FAM78A: variants seen among roughly 807,000 people sequenced by gnomAD.
FAM78A encodes protein FAM78A.
In FAM78A, 12 loss-of-function variants were observed where a neutral mutation model predicts 22.6. That is an observed-to-expected ratio of 0.53 (90% confidence interval 0.34 to 0.86). The LOEUF (loss-of-function observed/expected upper bound fraction) is 0.86. Ranked by LOEUF, FAM78A falls within the 40% of genes least tolerant of loss-of-function variation. The probability of loss-of-function intolerance (pLI) is 0.02; values close to 1 mark genes in which losing one functional copy is unlikely to be tolerated. For synonymous variants in FAM78A, 151 were observed against 155.8 expected (o/e 0.97, Z 0.23); for missense variants, 322 against 396.1 (o/e 0.81, Z 1.59).
At chr9:131,263,149 G>T (rs945272089) in intron 1 of FAM78A, among the ~76,000 whole-genome samples, 1 of 149,892 alleles carries the variant, frequency 6.7e-6, no homozygotes, top group African/African-American at 2.5e-5. Flanking sequence ...TGAGGCAGGA[G>T]AATCGCTTGA....
intron 1 of FAM78A, chr9:131,270,593 G>T (rs564458718): frequency 7.1e-6 from 5 of 707,080 alleles, no homozygotes; most frequent in African/African-American, 7.0e-5. Context: ...CCAAAGCCTT[G>T]AAACAAGGAC....
At chr9:131,268,736 C>T (rs972811447) in intron 1 of FAM78A, among the ~76,000 whole-genome samples, 31 of 151,570 alleles carry the variant, frequency 2.0e-4, no homozygotes, top group Non-Finnish European at 4.0e-4. Context: ...ACTAAAAATA[C>T]AAAAAAATTA....
Position 131,261,388 on chromosome 9 carries a change from T to G in FAM78A, c.324-38A>C. 6.6e-7 allele frequency: 1 copy of G among 1,511,734 alleles called. No individual in the cohort carries two copies. Among genetic ancestry groups the G allele is most frequent in the Non-Finnish European group, 8.8e-7 (1 of 1,137,842 alleles). 93.6% of individuals were successfully genotyped at this position (1,511,734 alleles called of 1,614,324 possible). A position where few individuals can be genotyped will look rare whatever the true frequency, so the allele number is the denominator to read the frequency against. On this transcript the variant is annotated intron_variant, in intron 1 of 1. Coordinates refer to ENST00000372271, the MANE Select transcript of FAM78A (RefSeq NM_033387.4). This position sits in a 1 kb window ranked among gnomAD's most constrained non-coding sequence, Gnocchi z 7.1. ...AAGGCCAGTTCACTCACTCGGTCAC[T>G]CAAGGAGGGCTTTCTGTGTCCCCCT...
At chr9:131,279,583 C>G (rs1835522370), upstream of FAM78A, among the ~76,000 whole-genome samples, 1 of 152,196 alleles carries the variant, frequency 6.6e-6, no homozygotes, top group Admixed American at 6.5e-5. Context: ...GCACGTCCCT[C>G]TCGTGGAAAG....
chr9:131,279,698 G>A (rs1361435318), upstream of FAM78A, among the ~76,000 whole-genome samples: 3 of 152,168 alleles, frequency 2.0e-5, no homozygotes, highest in Admixed American at 6.5e-5. Context: ...ACAGTGCCCC[G>A]CCCCCTCCGT....
In FAM78A at chr9:131,261,266, G is replaced by A; in HGVS notation, c.408C>T (p.Gly136=). ...DSDGVNYPWY[G]NTTETCTIVG... ...CGATGGTGCAGGTCTCTGTGGTGTT[G>A]CCGTACCAGGGGTAGTTCACCCCAT... is the stretch of plus-strand genomic sequence containing the variant. The change falls in exon 2 of 2, where the codon GGC becomes GGT. Residue 136 remains glycine, a synonymous_variant. Coordinates refer to ENST00000372271, the MANE Select transcript of FAM78A (RefSeq NM_033387.4). The surrounding 1 kb of genome is among the most constrained non-coding windows in gnomAD (Gnocchi z 7.1). The A allele has an allele frequency of 6.2e-7, 1 of 1,610,410 alleles. No individual in the cohort carries two copies. Among genetic ancestry groups the A allele is most frequent in the South Asian group, 1.1e-5 (1 of 91,012 alleles).
Position 131,259,748 on chromosome 9 carries a change from TA to T in FAM78A, c.*1073del, listed in dbSNP as rs1835236787. The T allele has an allele frequency of 6.6e-6, 1 of 152,596 alleles. No individual in the cohort carries two copies. Among genetic ancestry groups the T allele is most frequent in the South Asian group, 2.1e-4 (1 of 4,830 alleles). 9.5% of individuals were successfully genotyped at this position (152,596 alleles called of 1,614,324 possible). A position where few individuals can be genotyped will look rare whatever the true frequency, so the allele number is the denominator to read the frequency against. The stretch of plus-strand genomic sequence containing the variant: ...TGAATGCCTTCCTTACCTTTGAGAC[TA>T]ACATTGAGGCTGTGTGTCGGCGGTC... On this transcript the variant is annotated 3_prime_UTR_variant, in exon 2 of 2. Coordinates refer to ENST00000372271, the MANE Select transcript of FAM78A (RefSeq NM_033387.4).
chr9:131,268,797 G>T (rs938168540), intron 1 of FAM78A, among the ~76,000 whole-genome samples: 2 of 152,048 alleles, frequency 1.3e-5, no homozygotes, highest in Non-Finnish European at 2.9e-5. Flanking sequence ...GGAGGCTGAG[G>T]CAGGAGAATC....
rs1365445018 is a variant in FAM78A at position 131,274,750 on chromosome 9, TCTC to T, written c.323+1104_323+1106del. Reference sequence around the variant, plus strand: ...GATAAGTTCCAGCTCCTGGGGAAATTCTCCTCTTTTCCCCACTTGCAAAACGGG... The same window carrying T: ...GATAAGTTCCAGCTCCTGGGGAAATTCTCTTTTCCCCACTTGCAAAACGGG... On this transcript the variant is annotated intron_variant, in intron 1 of 1. Transcript: ENST00000372271. The surrounding 1 kb of genome is among the most constrained non-coding windows in gnomAD (Gnocchi z 4.2). Among the ~76,000 whole-genome samples, 2 of 152,022 alleles carry T rather than the reference TCTC, an allele frequency of 1.3e-5. No individual in the cohort carries two copies. Among genetic ancestry groups the T allele is most frequent in the Non-Finnish European group, 2.9e-5 (2 of 68,000 alleles).
intron 1 of FAM78A, among the ~76,000 whole-genome samples, chr9:131,267,477 T>C (rs1835359583): frequency 6.6e-6 from 1 of 152,238 alleles, no homozygotes; most frequent in South Asian, 2.1e-4. Flanking sequence ...AAGGCTGCAG[T>C]GAGCTAGGAT....
intron 1 of FAM78A, chr9:131,270,639 A>G (rs955792084): frequency 3.3e-6 from 2 of 612,216 alleles, no homozygotes; most frequent in African/African-American, 2.2e-5. Flanking sequence ...TGCCTCCGCC[A>G]GGGCCCAGCA....
chr9:131,268,585 C>T (rs961449813), intron 1 of FAM78A, among the ~76,000 whole-genome samples: 3 of 152,334 alleles, frequency 2.0e-5, no homozygotes, highest in East Asian at 1.9e-4. Flanking sequence ...AGACCAACAG[C>T]GCCTGTTTAA....
In FAM78A at chr9:131,261,362, G is replaced by A. The variant is rs1170807727; in HGVS notation, c.324-12C>T. 6.4e-7 allele frequency: 1 copy of A among 1,563,596 alleles called. No homozygotes were observed. Among genetic ancestry groups the A allele is most frequent in the Non-Finnish European group, 8.6e-7 (1 of 1,162,930 alleles). ...GCTCCCAGCTGGACCTGAGGACAAG[G>A]AAGGCCAGTTCACTCACTCGGTCAC... On this transcript the variant is annotated splice_polypyrimidine_tract_variant and intron_variant, in intron 1 of 1. Coordinates refer to ENST00000372271, the MANE Select transcript of FAM78A (RefSeq NM_033387.4). This position sits in a 1 kb window ranked among gnomAD's most constrained non-coding sequence, Gnocchi z 7.1.
Position 131,275,896 on chromosome 9 carries a change from C to G in FAM78A, c.284G>C (p.Ser95Thr). 2 of 1,610,030 alleles carry G rather than the reference C, an allele frequency of 1.2e-6. No individual in the cohort carries two copies. The highest frequency in any genetic ancestry group is 1.7e-6 in the Non-Finnish European group (2 of 1,177,846). ...GTACTGGTTGTAGAACTCCATGTGGCTGCACGCCTGGATCCAGCCAACTAC... is the reference window on the plus strand; with the variant it reads ...GTACTGGTTGTAGAACTCCATGTGGGTGCACGCCTGGATCCAGCCAACTAC... The part of the protein sequence containing the change: ...TWVVGWIQAC[S>T]HMEFYNQYGE... Residue 95 changes from serine (S) to threonine (T), a missense_variant, in exon 1 of 2, where the codon AGC becomes ACC. Physicochemically the swap from Ser to Thr is moderately conservative, Grantham distance 58. Coordinates refer to ENST00000372271, the MANE Select transcript of FAM78A (RefSeq NM_033387.4). This position sits in a 1 kb window ranked among gnomAD's most constrained non-coding sequence, Gnocchi z 4.6.
rs1231954629 is a variant in FAM78A at position 131,261,059 on chromosome 9, G to A, written c.615C>T (p.Ile205=). ...ATNTSTNDMI[I]LQTLHWRMQL... is the part of the protein sequence containing the mutation. ...GCATGCGCCAGTGCAGCGTCTGCAG[G>A]ATGATCATGTCGTTGGTGGAGGTGT... The change falls in exon 2 of 2, where the codon ATC becomes ATT. Residue 205 remains isoleucine, a synonymous_variant. Transcript: ENST00000372271. The surrounding 1 kb of genome is among the most constrained non-coding windows in gnomAD (Gnocchi z 7.1). The A allele has an allele frequency of 6.2e-7, 1 of 1,614,184 alleles. No individual in the cohort carries two copies. Among genetic ancestry groups the A allele is most frequent in the Admixed American group, 1.7e-5 (1 of 60,026 alleles).
chr9:131,269,111 A>C (rs1194231799), intron 1 of FAM78A, among the ~76,000 whole-genome samples: 1 of 151,668 alleles, frequency 6.6e-6, no homozygotes, highest in Non-Finnish European at 1.5e-5. Context: ...CAAAAAAAAA[A>C]AAAAAAAAAA....
chr9:131,261,487 T>C lies in FAM78A; in HGVS notation c.324-137A>G. 1.4e-6 allele frequency: 1 copy of C among 734,802 alleles called. No homozygotes were observed. 45.5% of individuals were successfully genotyped at this position (734,802 alleles called of 1,614,324 possible). ...GACCACCCGGTCCCCTTTGACGTTC[T>C]GGGGGCAGGGGGTCAGACAGTAGCT... is the stretch of plus-strand genomic sequence containing the variant. On this transcript the variant is annotated intron_variant, in intron 1 of 1. Coordinates refer to ENST00000372271, the MANE Select transcript of FAM78A (RefSeq NM_033387.4). This position sits in a 1 kb window ranked among gnomAD's most constrained non-coding sequence, Gnocchi z 7.1.
Position 131,267,772 on chromosome 9 carries a change from G to A in FAM78A, c.324-6422C>T, listed in dbSNP as rs146559986. Among the ~76,000 whole-genome samples, 92 of 149,670 alleles carry A rather than the reference G, an allele frequency of 6.1e-4. No homozygotes were observed. In the East Asian group the frequency reaches 0.016, roughly 26 times the overall value. On this transcript the variant is annotated intron_variant, in intron 1 of 1. Transcript: ENST00000372271. ...AAAGACTTGAGGCTCCAGGCCGGGC[G>A]CGGTGGCTCACGCCTGTAATCCCAG...
Position 131,261,088 on chromosome 9 carries a change from T to C in FAM78A, c.586A>G (p.Thr196Ala), listed in dbSNP as rs1009408580. 6.2e-7 allele frequency: 1 copy of C among 1,614,172 alleles called. No homozygotes were observed. The highest frequency in any genetic ancestry group is 2.2e-5 in the East Asian group (1 of 44,882). The stretch of plus-strand genomic sequence containing the variant: ...ATCATGTCGTTGGTGGAGGTGTTGG[T>C]GGCCACCAGCCAGGTGGTGAAGCTC... Reference protein sequence around the residue: ...DQSFTTWLVATNTSTNDMIIL... With the variant: ...DQSFTTWLVAANTSTNDMIIL... The change falls in exon 2 of 2, where the codon ACC becomes GCC. Residue 196 changes from threonine to alanine, a missense_variant. Physicochemically the swap from Thr to Ala is moderately conservative, Grantham distance 58. Transcript: ENST00000372271. The surrounding 1 kb of genome is among the most constrained non-coding windows in gnomAD (Gnocchi z 7.1).
Sources: allele counts gnomAD v4.1 joint callset (sites outside exome capture counted in the v4.1 genomes callset), GRCh38; gene constraint gnomAD v4.1.1; non-coding constraint Gnocchi (gnomAD v3.1); transcripts MANE v1.5; gene names NCBI Gene and HGNC (gene_info 2026-07-23, HGNC 2026-07-21).